Variants in PHEX observed in about 807,000 individuals in gnomAD.
PHEX encodes the protein phosphate regulating endopeptidase X-linked.
PHEX carries 16 observed loss-of-function variants against 68.0 expected under a neutral mutation model. That is an observed-to-expected ratio of 0.24 (90% CI 0.16 to 0.36). The LOEUF (loss-of-function observed/expected upper bound fraction) is 0.36, where lower values mean the gene tolerates loss of function less well. Among genes scored for constraint, PHEX ranks in the 10% least tolerant of loss-of-function variants. The pLI, the probability that PHEX is intolerant of heterozygous loss-of-function variation, is 1.00. For synonymous variants in PHEX, 208 were observed against 205.1 expected (o/e 1.01, Z -0.12); for missense variants, 480 against 575.5 (o/e 0.83, Z 1.70).
chrX:22,193,993 C>G (rs1266411409), intron 15 of PHEX, among the ~76,000 whole-genome samples: 1 of 111,856 alleles, frequency 8.9e-6, no homozygotes, highest in Non-Finnish European at 1.9e-5. Context: ...TCCGCATTCA[C>G]TTTAAAATGT....
At chrX:22,069,723 G>A (rs770176954) in intron 3 of PHEX, among the ~76,000 whole-genome samples, 8 of 111,776 alleles carry the variant, frequency 7.2e-5, no homozygotes, top group African/African-American at 2.3e-4. Flanking sequence ...GAATGAGAAA[G>A]ATCAGCTCCT....
intron 20 of PHEX, among the ~76,000 whole-genome samples, chrX:22,238,250 G>C (rs1373991663): frequency 8.9e-6 from 1 of 112,292 alleles, no homozygotes; most frequent in Non-Finnish European, 1.9e-5. Context: ...CATCTCACTG[G>C]GACTGGTTGG....
intron 6 of PHEX, among the ~76,000 whole-genome samples, chrX:22,093,401 C>G (rs767295295): frequency 8.9e-6 from 1 of 111,983 alleles, no homozygotes; most frequent in Non-Finnish European, 1.9e-5. Flanking sequence ...TGTTAGGTTT[C>G]CTATCATCGT....
intron 15 of PHEX, among the ~76,000 whole-genome samples, chrX:22,190,934 C>T (rs148970572): frequency 0.011 from 1,263 of 111,705 alleles, 17 homozygotes; most frequent in African/African-American, 0.039. Context: ...TTCTTATTAA[C>T]GCTAGGAAGT....
intron 14 of PHEX, among the ~76,000 whole-genome samples, chrX:22,182,394 A>G (rs1325879804): frequency 9.0e-6 from 1 of 111,595 alleles, no homozygotes; most frequent in African/African-American, 3.3e-5. Context: ...AAGTCCCACA[A>G]TCACCGTACT....
At chrX:22,035,704 T>C (rs1004340056) in intron 1 of PHEX, among the ~76,000 whole-genome samples, 3 of 111,489 alleles carry the variant, frequency 2.7e-5, no homozygotes, top group Admixed American at 9.6e-5. Flanking sequence ...TCTTGATCTG[T>C]GGATGACTCC....
chrX:22,141,438 A>G (rs1932453664), intron 12 of PHEX, among the ~76,000 whole-genome samples: 1 of 111,929 alleles, frequency 8.9e-6, no homozygotes, highest in South Asian at 3.7e-4. Flanking sequence ...AGTTTACATT[A>G]TGGCTATCTT....
intron 3 of PHEX, among the ~76,000 whole-genome samples, chrX:22,053,531 A>G (rs1229997999): frequency 1.8e-5 from 2 of 112,134 alleles, no homozygotes; most frequent in Non-Finnish European, 3.8e-5. Context: ...ATATAATCAT[A>G]TGTTTGTCTT....
intron 12 of PHEX, among the ~76,000 whole-genome samples, chrX:22,133,883 A>G (rs1932123201): frequency 8.9e-6 from 1 of 112,279 alleles, no homozygotes; most frequent in Admixed American, 9.5e-5. Flanking sequence ...TGCTGTCTGT[A>G]AGAGGCACAT....
chrX:22,202,760 A>C (rs776440206), intron 15 of PHEX, among the ~76,000 whole-genome samples: 1 of 111,680 alleles, frequency 9.0e-6, no homozygotes, highest in African/African-American at 3.3e-5. Context: ...GCAATCAATA[A>C]ATGAGAGGAC....
At chrX:22,082,247 G>T (rs1203896504) in intron 5 of PHEX, among the ~76,000 whole-genome samples, 1 of 112,086 alleles carries the variant, frequency 8.9e-6, no homozygotes, top group East Asian at 2.8e-4. Flanking sequence ...TGGGTCAAAT[G>T]GTAGTTCTGT....
intron 9 of PHEX, among the ~76,000 whole-genome samples, chrX:22,102,440 A>T (rs1252591605): frequency 8.9e-6 from 1 of 112,275 alleles, no homozygotes. Flanking sequence ...TCCGTTGTGT[A>T]TATGTACCAC....
chrX:22,176,801 C>T (rs1933726084), intron 13 of PHEX, among the ~76,000 whole-genome samples: 1 of 111,367 alleles, frequency 9.0e-6, no homozygotes, highest in Non-Finnish European at 1.9e-5. Context: ...CTTATTCACT[C>T]TGCATAATTT....
At chrX:22,170,110 C>T (rs1009891605) in intron 13 of PHEX, among the ~76,000 whole-genome samples, 4 of 111,664 alleles carry the variant, frequency 3.6e-5, no homozygotes, top group African/African-American at 1.3e-4. Context: ...CTGTATCAGC[C>T]AGGAAAGCAA....
At chrX:22,203,837 A>G (rs758858851) in intron 15 of PHEX, among the ~76,000 whole-genome samples, 1 of 112,283 alleles carries the variant, frequency 8.9e-6, no homozygotes, top group South Asian at 3.7e-4. Flanking sequence ...TTACATTGTT[A>G]CATGCATGGT....
chrX:22,144,444 C>G (rs1932596925), intron 12 of PHEX, among the ~76,000 whole-genome samples: 1 of 111,265 alleles, frequency 9.0e-6, no homozygotes, highest in African/African-American at 3.3e-5. Flanking sequence ...TCTCCGTATA[C>G]TTATCACCCA....
chrX:22,233,771 C>T (rs1181527950), intron 20 of PHEX, among the ~76,000 whole-genome samples: 10 of 111,581 alleles, frequency 9.0e-5, no homozygotes, highest in African/African-American at 2.9e-4. Flanking sequence ...TCCTTTAGCT[C>T]GGAGAAGTTT....
chrX:22,221,750 A>T lies in PHEX; in HGVS notation c.1899+7A>T. On this transcript the variant is annotated splice_region_variant and intron_variant, in intron 18 of 21. Coordinates refer to ENST00000379374, the MANE Select transcript of PHEX (RefSeq NM_000444.6). ...GAAGAAAGCTGGCTTAAATGTGAGT[A>T]CAACTGTGGCTAAGGGGGGCACCTT... 5 of 1,202,796 alleles carry T rather than the reference A, an allele frequency of 4.2e-6. No homozygotes were observed. Among genetic ancestry groups the T allele is most frequent in the Non-Finnish European group, 5.6e-6 (5 of 887,252 alleles).
intron 3 of PHEX, among the ~76,000 whole-genome samples, chrX:22,075,673 T>A (rs1407411552): frequency 8.9e-6 from 1 of 111,945 alleles, no homozygotes; most frequent in Non-Finnish European, 1.9e-5. Context: ...CAACTATCAT[T>A]TTCTACCTTC....
Sources: allele counts gnomAD v4.1 joint callset (sites outside exome capture counted in the v4.1 genomes callset), GRCh38; gene constraint gnomAD v4.1.1; transcripts MANE v1.5; gene names NCBI Gene and HGNC (gene_info 2026-07-23, HGNC 2026-07-21).